NAT1: variants seen among roughly 807,000 people sequenced by gnomAD.
The protein encoded by NAT1 is N-acetyltransferase 1.
For synonymous variants in NAT1, 144 were observed against 122.6 expected (o/e 1.17, Z -1.16); for missense variants, 400 against 339.2 (o/e 1.18, Z -1.41).
chr8:18,221,925 A>C (rs1805341333), intron 2 of NAT1, 117 bp from the exon 3 acceptor site: 16 of 1,111,162 alleles, frequency 1.4e-5, no homozygotes, highest in Middle Eastern at 3.1e-4. Context: ...ACTAGAAATA[A>C]TTATTATACT....
intron 2 of NAT1, among the ~76,000 whole-genome samples, chr8:18,187,291 T>C (rs1006168661): frequency 3.3e-5 from 5 of 152,188 alleles, no homozygotes; most frequent in African/African-American, 1.2e-4. Flanking sequence ...AACAGTGTGG[T>C]GCTTCCTTAA....
chr8:18,209,054 T>C (rs1436690430), upstream of NAT1, among the ~76,000 whole-genome samples: 1 of 152,192 alleles, frequency 6.6e-6, no homozygotes, highest in Non-Finnish European at 1.5e-5. Flanking sequence ...AAAGGGAGCA[T>C]AATTCCACTG....
At chr8:18,184,913 T>C (rs990658806) in intron 2 of NAT1, among the ~76,000 whole-genome samples, 1 of 152,252 alleles carries the variant, frequency 6.6e-6, no homozygotes, top group African/African-American at 2.4e-5. Context: ...TTTTATCAAA[T>C]GTACAGTGAT....
At chr8:18,216,601 G>T (rs28359500) in intron 1 of NAT1, among the ~76,000 whole-genome samples, 311 of 152,226 alleles carry the variant, frequency 2.0e-3, no homozygotes, top group African/African-American at 7.1e-3. Flanking sequence ...CAGTGGCATC[G>T]CTTATAGGTC....
At chr8:18,208,211 C>G (rs1249579629), upstream of NAT1, among the ~76,000 whole-genome samples, 3 of 151,856 alleles carry the variant, frequency 2.0e-5, no homozygotes, top group African/African-American at 7.3e-5. Context: ...ATAGGTGCAG[C>G]AAACCACCAT....
At position 18,222,854 on chromosome 8, in the gene NAT1, T is replaced by C. The variant is rs201670530; in HGVS notation, c.807T>C (p.Asn269=). ...AAGAAATAGAAAAAGTGCTGAAAAA[T>C]ATATTTAATATTTCCTTGCAGAGAA... ...SEEEIEKVLK[N]IFNISLQRKL... The change falls in exon 3 of 3, where the codon AAT becomes AAC. Residue 269 remains asparagine (N), a synonymous_variant. Transcript: ENST00000307719. 1.2e-5 allele frequency: 20 copies of C among 1,600,052 alleles called. No homozygotes were observed. The highest frequency in any genetic ancestry group is 4.6e-5 in the South Asian group (4 of 87,136).
intron 2 of NAT1, among the ~76,000 whole-genome samples, chr8:18,177,221 A>G (rs901520688): frequency 2.0e-5 from 3 of 152,058 alleles, no homozygotes; most frequent in African/African-American, 7.2e-5. Context: ...GAATTACAGT[A>G]TCTTTTCTTG....
chr8:18,173,175 CA>C (rs1802162028), intron 2 of NAT1, among the ~76,000 whole-genome samples: 1 of 151,520 alleles, frequency 6.6e-6, no homozygotes, highest in Admixed American at 6.6e-5. Flanking sequence ...CACACACACA[CA>C]CAATGATCAT....
intron 2 of NAT1, among the ~76,000 whole-genome samples, chr8:18,182,211 G>A (rs1361137019): frequency 1.3e-5 from 2 of 152,180 alleles, no homozygotes; most frequent in Admixed American, 6.5e-5. Context: ...TGCAAGGATA[G>A]TTGTTCCATT....
intron 1 of NAT1, among the ~76,000 whole-genome samples, chr8:18,213,915 G>A (rs1804363532): frequency 6.6e-6 from 1 of 151,346 alleles, no homozygotes; most frequent in Admixed American, 6.6e-5. Flanking sequence ...CTGGGTTCAC[G>A]CCATTCTCCT....
At chr8:18,205,989 G>A (rs1425164944), upstream of NAT1, among the ~76,000 whole-genome samples, 1 of 152,198 alleles carries the variant, frequency 6.6e-6, no homozygotes, top group African/African-American at 2.4e-5. Context: ...AGCAAGTGGA[G>A]CCTAGGGTGA....
chr8:18,175,093 T>C (rs946083279), intron 2 of NAT1, among the ~76,000 whole-genome samples: 3 of 152,132 alleles, frequency 2.0e-5, no homozygotes, highest in African/African-American at 7.2e-5. Flanking sequence ...TATTTATAAT[T>C]GACAAATAAT....
intron 2 of NAT1, among the ~76,000 whole-genome samples, chr8:18,190,770 A>G (rs1802948849): frequency 6.6e-6 from 1 of 152,152 alleles, no homozygotes; most frequent in Admixed American, 6.5e-5. Context: ...AAATATATAG[A>G]TAGGTAATAA....
At chr8:18,173,205 G>A (rs865938367) in intron 2 of NAT1, among the ~76,000 whole-genome samples, 87 of 152,036 alleles carry the variant, frequency 5.7e-4, no homozygotes, top group African/African-American at 2.0e-3. Flanking sequence ...CACAGGATAT[G>A]AGCAGAAATA....
At chr8:18,191,143 T>C (rs1159292006) in intron 2 of NAT1, among the ~76,000 whole-genome samples, 1 of 152,168 alleles carries the variant, frequency 6.6e-6, no homozygotes, top group African/African-American at 2.4e-5. Context: ...TTTAGAACTA[T>C]GGATCAAATA....
intron 2 of NAT1, among the ~76,000 whole-genome samples, chr8:18,184,793 T>G (rs913239493): frequency 6.6e-6 from 1 of 152,302 alleles, no homozygotes; most frequent in African/African-American, 2.4e-5. Flanking sequence ...TCTTGGCCCT[T>G]CCACTTTCTG....
chr8:18,194,457 G>A (rs965153860), intron 2 of NAT1, among the ~76,000 whole-genome samples: 13 of 152,140 alleles, frequency 8.5e-5, no homozygotes, highest in African/African-American at 2.9e-4. Flanking sequence ...TGATGGTGGA[G>A]GTCTGTTATC....
At chr8:18,215,861 A>G (rs1420570534) in intron 1 of NAT1, among the ~76,000 whole-genome samples, 2 of 152,160 alleles carry the variant, frequency 1.3e-5, no homozygotes, top group African/African-American at 4.8e-5. Context: ...AAATGACGAG[A>G]CGAGTCTCAA....
intron 2 of NAT1, among the ~76,000 whole-genome samples, chr8:18,195,921 TA>T (rs35647512): frequency 9.3e-4 from 135 of 144,770 alleles, no homozygotes; most frequent in Middle Eastern, 3.5e-3. Flanking sequence ...GATGTTAGAT[TA>T]AAAAAAAAAA....
Sources: gnomAD v4.1 joint callset for allele counts (sites outside exome capture counted in the v4.1 genomes callset) on GRCh38, gnomAD v4.1.1 for gene constraint, MANE v1.5 for transcripts, NCBI Gene and HGNC (gene_info 2026-07-23, HGNC 2026-07-21) for gene names.